SLCO6A1: variants seen among roughly 807,000 people sequenced by gnomAD.
The protein encoded by SLCO6A1 is cancer/testis antigen 48.
Under a neutral mutation model 72.7 loss-of-function variants are expected in SLCO6A1, and 65 were observed. The observed-to-expected ratio is 0.89, with a 90% confidence interval of 0.73 to 1.10. The LOEUF is 1.10. Ranked by LOEUF, SLCO6A1 falls within the 50% of genes least tolerant of loss-of-function variation. The pLI is 0.00. For missense variants in SLCO6A1, 874 were observed against 872.6 expected (o/e 1.00, Z -0.02); for synonymous variants, 314 against 298.2 (o/e 1.05, Z -0.55).
chr5:102,458,552 A>T, intron 5 of SLCO6A1, 61 bp from the exon 6 acceptor site: 2 of 1,109,148 alleles, frequency 1.8e-6, no homozygotes, highest in Non-Finnish European at 2.7e-6. Context: ...CCATACATAA[A>T]ACCTACATAC....
At chr5:102,409,118 A>G (rs1048939830) in intron 9 of SLCO6A1, among the ~76,000 whole-genome samples, 11 of 152,300 alleles carry the variant, frequency 7.2e-5, no homozygotes, top group African/African-American at 1.9e-4. Flanking sequence ...GGAAGCATGG[A>G]TAAGAAGAAT....
intron 10 of SLCO6A1, among the ~76,000 whole-genome samples, chr5:102,396,234 G>A (rs538813017): frequency 6.6e-6 from 1 of 152,058 alleles, no homozygotes; most frequent in South Asian, 2.1e-4. Context: ...TGTAAGGAAG[G>A]GATCCAGTTT....
At chr5:102,441,896 T>C (rs1198164547) in intron 6 of SLCO6A1, among the ~76,000 whole-genome samples, 1 of 151,896 alleles carries the variant, frequency 6.6e-6, no homozygotes, top group Non-Finnish European at 1.5e-5. Context: ...TTATTTTTTA[T>C]TTACTTATTT....
At chr5:102,459,541 C>T in intron 5 of SLCO6A1, 115 bp downstream of exon 5, 1 of 1,195,328 alleles carries the variant, frequency 8.4e-7, no homozygotes, top group South Asian at 2.0e-5. Context: ...CAAACCACTA[C>T]AGCGAGAGGC....
chr5:102,433,977 A>G (rs1749363333), intron 7 of SLCO6A1, among the ~76,000 whole-genome samples: 1 of 151,930 alleles, frequency 6.6e-6, no homozygotes, highest in African/African-American at 2.4e-5. Context: ...TCTTTCGTCT[A>G]TCCTTTCACT....
intron 6 of SLCO6A1, among the ~76,000 whole-genome samples, chr5:102,448,597 T>A (rs1370873087): frequency 1.3e-5 from 2 of 152,218 alleles, no homozygotes; most frequent in African/African-American, 4.8e-5. Context: ...CTCTGCTTGT[T>A]GAGTTGAACC....
chr5:102,405,887 G>A (rs1747643429), intron 9 of SLCO6A1, among the ~76,000 whole-genome samples: 1 of 151,966 alleles, frequency 6.6e-6, no homozygotes, highest in African/African-American at 2.4e-5. Flanking sequence ...CAACATAAAT[G>A]TTACTGGGGA....
At chr5:102,494,780 C>A (rs371966935) in intron 1 of SLCO6A1, among the ~76,000 whole-genome samples, 2 of 152,188 alleles carry the variant, frequency 1.3e-5, no homozygotes, top group African/African-American at 4.8e-5. Context: ...GGAACTGGAA[C>A]CCATATATTG....
At chr5:102,393,204 A>G (rs1254654735) in intron 10 of SLCO6A1, among the ~76,000 whole-genome samples, 2 of 152,202 alleles carry the variant, frequency 1.3e-5, no homozygotes, top group East Asian at 3.9e-4. Context: ...AACGAAAGTG[A>G]TATTTTAAGA....
At chr5:102,424,617 A>T (rs553532438) in intron 7 of SLCO6A1, among the ~76,000 whole-genome samples, 10 of 152,262 alleles carry the variant, frequency 6.6e-5, no homozygotes, top group African/African-American at 1.9e-4. Flanking sequence ...TCTGAAATTG[A>T]GGCAGTAATT....
chr5:102,431,977 C>A (rs1398277703), intron 7 of SLCO6A1, among the ~76,000 whole-genome samples: 1 of 152,156 alleles, frequency 6.6e-6, no homozygotes, highest in Admixed American at 6.5e-5. Context: ...AACCTTTCAC[C>A]ATTATGTAAA....
chr5:102,404,525 A>G (rs1366069985), intron 9 of SLCO6A1, among the ~76,000 whole-genome samples: 1 of 152,196 alleles, frequency 6.6e-6, no homozygotes, highest in Non-Finnish European at 1.5e-5. Flanking sequence ...AAAAACAAAA[A>G]AAGAATATAT....
At chr5:102,415,869 C>T (rs1024158505) in intron 8 of SLCO6A1, among the ~76,000 whole-genome samples, 19 of 151,940 alleles carry the variant, frequency 1.3e-4, no homozygotes, top group African/African-American at 4.6e-4. Flanking sequence ...AAAACCCCCA[C>T]AAATAATTTC....
intron 10 of SLCO6A1, among the ~76,000 whole-genome samples, chr5:102,396,942 A>G (rs1747117386): frequency 6.6e-6 from 1 of 152,122 alleles, no homozygotes; most frequent in Admixed American, 6.6e-5. Context: ...TCATGACCTC[A>G]TCTAATCCTA....
chr5:102,387,239 A>T (rs1236273489), intron 12 of SLCO6A1, among the ~76,000 whole-genome samples: 1 of 152,178 alleles, frequency 6.6e-6, no homozygotes, highest in Non-Finnish European at 1.5e-5. Context: ...TATATTTAAA[A>T]ATATACTGGC....
chr5:102,433,624 A>AT (rs1458289503), intron 7 of SLCO6A1, among the ~76,000 whole-genome samples: 2 of 152,156 alleles, frequency 1.3e-5, no homozygotes, highest in African/African-American at 4.8e-5. Flanking sequence ...AGGTAGAAAC[A>AT]TGCTGTGCTG....
chr5:102,381,465 C>T (rs1445358149), intron 12 of SLCO6A1, among the ~76,000 whole-genome samples: 1 of 151,652 alleles, frequency 6.6e-6, no homozygotes, highest in Admixed American at 6.6e-5. Context: ...TTTCCATTGT[C>T]TATTTATCTG....
intron 7 of SLCO6A1, among the ~76,000 whole-genome samples, chr5:102,431,346 T>A (rs1749208121): frequency 6.6e-6 from 1 of 152,182 alleles, no homozygotes. Context: ...TGTTGTGATG[T>A]TAGTTTTTAA....
At chr5:102,498,124 C>A (rs1260653882) in intron 1 of SLCO6A1, among the ~76,000 whole-genome samples, 1 of 152,152 alleles carries the variant, frequency 6.6e-6, no homozygotes, top group African/African-American at 2.4e-5. Flanking sequence ...AGTTCCCGAG[C>A]CCCTGCCAGC....
Sources: gnomAD v4.1 joint callset for allele counts (sites outside exome capture counted in the v4.1 genomes callset) on GRCh38, gnomAD v4.1.1 for gene constraint, MANE v1.5 for transcripts, NCBI Gene and HGNC (gene_info 2026-07-23, HGNC 2026-07-21) for gene names.